The following EPHB1 variants were observed in gnomAD, a reference collection of about 807,000 sequenced individuals.
EPHB1 encodes the protein EPH receptor B1.
EPHB1 carries 30 observed loss-of-function variants against 94.4 expected under a neutral mutation model. The observed-to-expected ratio is 0.32, with a 90% confidence interval of 0.24 to 0.43. EPHB1 has a LOEUF of 0.43. Ranked by LOEUF, EPHB1 falls within the 20% of genes least tolerant of loss-of-function variation. EPHB1 has a pLI of 1.00. For synonymous variants in EPHB1, 522 were observed against 489.1 expected (o/e 1.07, Z -0.89); for missense variants, 1,055 against 1,308.3 (o/e 0.81, Z 2.99).
intron 3 of EPHB1, among the ~76,000 whole-genome samples, chr3:135,076,234 GATATATATAT>G (rs60727518): frequency 0.51 from 67,094 of 131,124 alleles, 19,261 homozygotes; most frequent in Non-Finnish European, 0.64. Context: ...TCTGAAAAGG[GATATATATAT>G]ATATATATAT....
Position 135,259,418 on chromosome 3 carries a change from C to A in EPHB1, c.*298C>A. 1 of 252,318 alleles carries A rather than the reference C, an allele frequency of 4.0e-6. No homozygotes were observed. Among genetic ancestry groups the A allele is most frequent in the Non-Finnish European group, 7.6e-6 (1 of 131,162 alleles). The allele number at this position is 252,318 out of a possible 1,614,324, so 15.6% of individuals were successfully genotyped here. On this transcript the variant is annotated 3_prime_UTR_variant, in exon 16 of 16. Transcript: ENST00000398015. The stretch of plus-strand genomic sequence containing the variant: ...CAGGAGAACAAGAGTAAACCCAGCT[C>A]CCATTCTCAGTGGGCTGCAGTTGCC...
chr3:135,154,130 C>T lies in EPHB1; in HGVS notation c.1298-22C>T, dbSNP rs766052452. On this transcript the variant is annotated intron_variant, in intron 5 of 15. Transcript: ENST00000398015. ...ATAATTGAGTGTCTGTTCAGCTACC[C>T]TGTTTCTTTCTCTCTCCACAGCCCC... The T allele has an allele frequency of 5.0e-6, 8 of 1,613,716 alleles. No individual in the cohort carries two copies. The South Asian group carries it at 8.8e-5, about 18-fold the overall frequency.
At chr3:134,986,994 A>G (rs958429410) in intron 3 of EPHB1, among the ~76,000 whole-genome samples, 1 of 152,120 alleles carries the variant, frequency 6.6e-6, no homozygotes, top group African/African-American at 2.4e-5. Context: ...AACTGGACTA[A>G]CCTGAATTTA....
At chr3:135,099,251 T>C (rs1024255654) in intron 3 of EPHB1, among the ~76,000 whole-genome samples, 10 of 152,186 alleles carry the variant, frequency 6.6e-5, no homozygotes, top group African/African-American at 2.4e-4. Context: ...AATACAAAGA[T>C]GGCAACACCT....
At chr3:135,126,171 A>G (rs913943461) in intron 4 of EPHB1, among the ~76,000 whole-genome samples, 4 of 152,162 alleles carry the variant, frequency 2.6e-5, no homozygotes, top group Non-Finnish European at 5.9e-5. Context: ...GAAGAGTGCT[A>G]AAGTTGATAT....
chr3:134,993,810 G>A (rs770656198), intron 3 of EPHB1, among the ~76,000 whole-genome samples: 1 of 152,210 alleles, frequency 6.6e-6, no homozygotes, highest in Non-Finnish European at 1.5e-5. Context: ...TGATGAGCTT[G>A]CCAGCTTCAT....
intron 4 of EPHB1, among the ~76,000 whole-genome samples, chr3:135,115,689 T>A (rs1939667873): frequency 6.6e-6 from 1 of 152,174 alleles, no homozygotes; most frequent in Admixed American, 6.5e-5. Context: ...TCAGCTCCAC[T>A]CCTTCCTCAC....
intron 3 of EPHB1, among the ~76,000 whole-genome samples, chr3:135,041,312 C>T (rs1397357285): frequency 6.6e-6 from 1 of 152,174 alleles, no homozygotes; most frequent in African/African-American, 2.4e-5. Flanking sequence ...TTGTCTGGCT[C>T]AGTACCACTG....
intron 2 of EPHB1, among the ~76,000 whole-genome samples, chr3:134,943,710 C>G (rs1232054749): frequency 6.6e-6 from 1 of 152,168 alleles, no homozygotes; most frequent in Non-Finnish European, 1.5e-5. Flanking sequence ...CCTCTAGATG[C>G]CACCTTTGCC....
At chr3:135,049,007 A>G (rs1937090892) in intron 3 of EPHB1, among the ~76,000 whole-genome samples, 1 of 152,084 alleles carries the variant, frequency 6.6e-6, no homozygotes, top group Non-Finnish European at 1.5e-5. Context: ...CTATTACCCT[A>G]TAGAAGGTGC....
At chr3:135,201,328 G>A in intron 11 of EPHB1, 146 bp from the exon 12 acceptor site, 2 of 740,514 alleles carry the variant, frequency 2.7e-6, no homozygotes, top group South Asian at 1.7e-5. Context: ...AAGAATGGGG[G>A]ATGGGAGTGG....
chr3:134,818,940 G>A (rs2036326190), intron 1 of EPHB1, among the ~76,000 whole-genome samples: 1 of 152,178 alleles, frequency 6.6e-6, no homozygotes, highest in Non-Finnish European at 1.5e-5. Flanking sequence ...GTTTCGAGGT[G>A]AGCAGAGAAG....
At chr3:135,203,299 A>G (rs1942806173) in intron 12 of EPHB1, among the ~76,000 whole-genome samples, 1 of 152,172 alleles carries the variant, frequency 6.6e-6, no homozygotes, top group Non-Finnish European at 1.5e-5. Flanking sequence ...TAATGCATTC[A>G]GGGCTTAAAA....
chr3:135,202,724 G>T (rs1942790859), intron 12 of EPHB1, among the ~76,000 whole-genome samples: 1 of 152,258 alleles, frequency 6.6e-6, no homozygotes, highest in Admixed American at 6.5e-5. Flanking sequence ...GGAAACAACA[G>T]ATGCTGGTGA....
intron 4 of EPHB1, among the ~76,000 whole-genome samples, chr3:135,119,029 AC>A (rs1939835276): frequency 6.6e-6 from 1 of 152,204 alleles, no homozygotes; most frequent in South Asian, 2.1e-4. Flanking sequence ...GCTTCTCCAC[AC>A]ACTGGCCTGA....
chr3:134,823,220 T>A (rs2036415082), intron 1 of EPHB1, among the ~76,000 whole-genome samples: 1 of 152,172 alleles, frequency 6.6e-6, no homozygotes, highest in Non-Finnish European at 1.5e-5. Flanking sequence ...ACTGCCTCCT[T>A]GATGGAGAAA....
intron 7 of EPHB1, among the ~76,000 whole-genome samples, chr3:135,164,310 G>A (rs2107699076): frequency 6.6e-6 from 1 of 152,272 alleles, no homozygotes; most frequent in East Asian, 1.9e-4. Context: ...CTTGTTCTTA[G>A]AAATCTTTCT....
In EPHB1 at chr3:134,890,143, G is replaced by C. The variant is rs548492666; in HGVS notation, c.59-35673G>C. On this transcript the variant is annotated intron_variant, in intron 1 of 15. Transcript: ENST00000398015. ...TCAGTCACTACCCCCCCTTCCACCAGGGGTACCCACTGACTTTGACGTTTT... is the reference window on the plus strand; with the variant it reads ...TCAGTCACTACCCCCCCTTCCACCACGGGTACCCACTGACTTTGACGTTTT... Among the ~76,000 whole-genome samples, 9 of 152,152 alleles carry C rather than the reference G, an allele frequency of 5.9e-5. No individual in the cohort carries two copies. In the South Asian group the frequency reaches 1.7e-3, roughly 28 times the overall value.
At chr3:134,837,087 G>T (rs1024376112) in intron 1 of EPHB1, among the ~76,000 whole-genome samples, 2 of 152,230 alleles carry the variant, frequency 1.3e-5, no homozygotes, top group Non-Finnish European at 2.9e-5. Context: ...AAGGATGATA[G>T]CTAGTCATTC....
Sources: allele counts gnomAD v4.1 joint callset (sites outside exome capture counted in the v4.1 genomes callset), GRCh38; gene constraint gnomAD v4.1.1; transcripts MANE v1.5; gene names NCBI Gene and HGNC (gene_info 2026-07-23, HGNC 2026-07-21).